The following MYRF variants were observed in gnomAD, a reference collection of about 807,000 sequenced individuals.
MYRF encodes the protein myelin regulatory factor, also known as myelin gene regulatory factor.
In MYRF, 16 loss-of-function variants were observed where a neutral mutation model predicts 126.3. The observed-to-expected ratio is 0.13, with a 90% CI of 0.09 to 0.19. MYRF has a LOEUF of 0.19. Among genes scored for constraint, MYRF ranks in the 10% least tolerant of loss-of-function variants. The pLI is 1.00. For missense variants in MYRF, 1,104 were observed against 1,547.0 expected (o/e 0.71, Z 4.80); for synonymous variants, 608 against 635.3 (o/e 0.96, Z 0.65).
rs2066593382 is a variant in MYRF, at chr11:61,783,007, C to CCCTA, written c.3017-488_3017-485dup. 6.5e-6 allele frequency: 1 copy of CCCTA among 154,670 alleles called. No individual in the cohort carries two copies. The highest frequency in any genetic ancestry group is 2.0e-4 in the South Asian group (1 of 4,998). The allele number at this position is 154,670 out of a possible 1,614,324, so 9.6% of individuals were successfully genotyped here. On this transcript the variant is annotated intron_variant, in intron 22 of 26. Transcript: ENST00000278836. The surrounding 1 kb of genome is among the most constrained non-coding windows in gnomAD (Gnocchi z 4.6). ...CTGACTTGTCACACTTCAGTCCCAC[C>CCCTA]CCTACCCAGCCAGCCAGCCTGCAGT...
chr11:61,775,917 G>T, intron 8 of MYRF, 139 bp from the exon 9 acceptor site: 1 of 736,132 alleles, frequency 1.4e-6, no homozygotes. Context: ...CTGAGCTTGT[G>T]GGAATCGCGG....
At chr11:61,773,732 T>A (rs1047828317) in intron 7 of MYRF, among the ~76,000 whole-genome samples, 2 of 152,044 alleles carry the variant, frequency 1.3e-5, no homozygotes, top group African/African-American at 2.4e-5. Context: ...GGCGGGGCGG[T>A]GGCCTAAGGC....
At position 61,778,712 on chromosome 11, in the gene MYRF, G is replaced by A; in HGVS notation, c.2013+223G>A. The A allele has an allele frequency of 1.5e-6, 1 of 657,524 alleles. No homozygotes were observed. The highest frequency in any genetic ancestry group is 1.8e-5 in the African/African-American group (1 of 56,386). 40.7% of individuals were successfully genotyped at this position (657,524 alleles called of 1,614,324 possible). A position where few individuals can be genotyped will look rare whatever the true frequency, so the allele number is the denominator to read the frequency against. On this transcript the variant is annotated intron_variant, in intron 14 of 26. Coordinates refer to ENST00000278836, the MANE Select transcript of MYRF (RefSeq NM_001127392.3). The surrounding 1 kb of genome is among the most constrained non-coding windows in gnomAD (Gnocchi z 4.6). ...GGCCCCTGGAGCCTGTGTGATCAAG[G>A]GCAAGAGAAACCCTGTGGAGGGCCA... is the stretch of plus-strand genomic sequence containing the variant.
At position 61,778,024 on chromosome 11, in the gene MYRF, C is replaced by T. The variant is rs2066434453; in HGVS notation, c.1903+179C>T. On this transcript the variant is annotated intron_variant, in intron 13 of 26. Coordinates refer to ENST00000278836, the MANE Select transcript of MYRF (RefSeq NM_001127392.3). This position sits in a 1 kb window ranked among gnomAD's most constrained non-coding sequence, Gnocchi z 4.6. ...CTTGGAAAATCGCACCTCTCCAGGTCCCCGGAACCTCGCCCCATTGTCAGT... is the reference window on the plus strand; with the variant it reads ...CTTGGAAAATCGCACCTCTCCAGGTTCCCGGAACCTCGCCCCATTGTCAGT... 6.6e-6 allele frequency among the ~76,000 whole-genome samples: 1 copy of T among 152,192 alleles called. No homozygotes were observed. The highest frequency in any genetic ancestry group is 1.5e-5 in the Non-Finnish European group (1 of 68,020).
chr11:61,773,953 A>G lies in MYRF; in HGVS notation c.1116-14A>G. The G allele has an allele frequency of 6.3e-7, 1 of 1,594,340 alleles. No homozygotes were observed. The highest frequency in any genetic ancestry group is 8.6e-7 in the Non-Finnish European group (1 of 1,169,416). Reference sequence around the variant, plus strand: ...TCTGGGGCCTCAGGGGAGTGCCCTCACCCGCCCCCCCAGGCCCATGCTCAC... The same window carrying G: ...TCTGGGGCCTCAGGGGAGTGCCCTCGCCCGCCCCCCCAGGCCCATGCTCAC... On this transcript the variant is annotated splice_polypyrimidine_tract_variant and intron_variant, in intron 7 of 26. Transcript: ENST00000278836.
intron 5 of MYRF, among the ~76,000 whole-genome samples, chr11:61,770,864 A>G (rs1054505630): frequency 3.9e-5 from 6 of 151,988 alleles, no homozygotes; most frequent in African/African-American, 1.5e-4. Context: ...GACCCCAGTG[A>G]TTTTGCAGCT....
intron 25 of MYRF, 114 bp from the exon 26 acceptor site, chr11:61,785,685 CT>C: frequency 1.2e-6 from 1 of 805,570 alleles, no homozygotes; most frequent in Non-Finnish European, 2.1e-6. Flanking sequence ...AAGTTCTCTG[CT>C]TTTTTCCTTC....
rs1024148749 is a variant in MYRF, at chr11:61,777,559, G to A, written c.1791+95G>A. The A allele has an allele frequency of 1.4e-6, 2 of 1,451,124 alleles. No individual in the cohort carries two copies. The highest frequency in any genetic ancestry group is 2.8e-5 in the African/African-American group (2 of 70,998). The allele number at this position is 1,451,124 out of a possible 1,614,324, so 89.9% of individuals were successfully genotyped here. A position where few individuals can be genotyped will look rare whatever the true frequency, so the allele number is the denominator to read the frequency against. On this transcript the variant is annotated intron_variant, in intron 12 of 26. Coordinates refer to ENST00000278836, the MANE Select transcript of MYRF (RefSeq NM_001127392.3). The surrounding 1 kb of genome is among the most constrained non-coding windows in gnomAD (Gnocchi z 8.8). Reference sequence around the variant, plus strand: ...GGAGGGGGCGTGACTACGCGGAAAGGCGGAGCTGCGGGGGAAGGAAGGGAG... The same window carrying A: ...GGAGGGGGCGTGACTACGCGGAAAGACGGAGCTGCGGGGGAAGGAAGGGAG...
chr11:61,761,622 G>A (rs893674926), intron 1 of MYRF, among the ~76,000 whole-genome samples: 1 of 152,226 alleles, frequency 6.6e-6, no homozygotes, highest in African/African-American at 2.4e-5. Context: ...TGGCCTGGCC[G>A]AGGTCCCTCA....
chr11:61,770,929 G>C (rs174527), intron 5 of MYRF, among the ~76,000 whole-genome samples: 65,989 of 152,000 alleles, frequency 0.43, 15,027 homozygotes, highest in East Asian at 0.71. Flanking sequence ...CCAAGCCCCC[G>C]ACTCTGACTC....
chr11:61,755,574 G>A (rs1011128034), intron 1 of MYRF: 234 of 1,166,170 alleles, frequency 2.0e-4, no homozygotes, highest in Non-Finnish European at 2.3e-4. Flanking sequence ...TGGGGTGACC[G>A]TCTGTGCCTG....
chr11:61,784,182 G>C (rs1027453977), intron 24 of MYRF, 98 bp from the exon 25 acceptor site: 4 of 1,178,028 alleles, frequency 3.4e-6, no homozygotes, highest in Admixed American at 4.2e-5. Context: ...GTTTCAGGCT[G>C]GGTGGAGATT....
In MYRF at chr11:61,777,607, T is replaced by C. The variant is rs2066422304; in HGVS notation, c.1792-127T>C. On this transcript the variant is annotated intron_variant, in intron 12 of 26. Transcript: ENST00000278836. This position sits in a 1 kb window ranked among gnomAD's most constrained non-coding sequence, Gnocchi z 8.8. ...GAGGGAGGCTGGCCTCGAATCCCGA[T>C]CTAACCACTCCAGTGGTGGGGTCTC... 3 of 1,320,770 alleles carry C rather than the reference T, an allele frequency of 2.3e-6. No individual in the cohort carries two copies. The highest frequency in any genetic ancestry group is 4.2e-5 in the Admixed American group (2 of 47,404). 81.8% of individuals were successfully genotyped at this position (1,320,770 alleles called of 1,614,324 possible).
At chr11:61,773,547 C>G (rs2066284026) in intron 7 of MYRF, among the ~76,000 whole-genome samples, 1 of 152,212 alleles carries the variant, frequency 6.6e-6, no homozygotes, top group African/African-American at 2.4e-5. Context: ...GGGCAACTAG[C>G]TGTCAGGCGC....
intron 3 of MYRF, among the ~76,000 whole-genome samples, chr11:61,769,059 C>G (rs1198147760): frequency 1.3e-5 from 2 of 152,194 alleles, no homozygotes; most frequent in African/African-American, 4.8e-5. Context: ...GGGCGGTCCC[C>G]TACCCACAAT....
chr11:61,781,316 C>A lies in MYRF; in HGVS notation c.2751C>A (p.Ser917Arg). Residue 917 changes from serine to arginine, a missense_variant, in exon 21 of 27, where the codon AGC (serine) becomes AGA (arginine). Coordinates refer to ENST00000278836, the MANE Select transcript of MYRF (RefSeq NM_001127392.3). ...GHVLSPSPSP[S>R]TNRSGPSQMA... ...TTCTCAGCCCAAGTCCCAGCCCCAG[C>A]ACCAACCGCTCAGGTAAGGCTTTCT... is the stretch of plus-strand genomic sequence containing the variant. The A allele has an allele frequency of 6.2e-7, 1 of 1,614,028 alleles. No homozygotes were observed. The highest frequency in any genetic ancestry group is 8.5e-7 in the Non-Finnish European group (1 of 1,180,006).
intron 1 of MYRF, among the ~76,000 whole-genome samples, chr11:61,753,501 C>T (rs887108752): frequency 1.3e-5 from 2 of 152,096 alleles, no homozygotes. Context: ...TTGAAGCTGA[C>T]ATCCCTGCCA....
chr11:61,777,851 G>T lies in MYRF; in HGVS notation c.1903+6G>T. The T allele has an allele frequency of 1.3e-6, 2 of 1,550,866 alleles. No individual in the cohort carries two copies. The highest frequency in any genetic ancestry group is 8.7e-7 in the Non-Finnish European group (1 of 1,146,650). On this transcript the variant is annotated splice_donor_region_variant and intron_variant, in intron 13 of 26. Coordinates refer to ENST00000278836, the MANE Select transcript of MYRF (RefSeq NM_001127392.3). The surrounding 1 kb of genome is among the most constrained non-coding windows in gnomAD (Gnocchi z 8.8). ...GGCCACCGCGCCAGAGACAGGTAGG[G>T]ACCGGGCTGGTGCGGACTGGGGTCC...
At position 61,781,314 on chromosome 11, in the gene MYRF, A is replaced by G; in HGVS notation, c.2749A>G (p.Ser917Gly). The G allele has an allele frequency of 6.2e-7, 1 of 1,613,998 alleles. No homozygotes were observed. Among genetic ancestry groups the G allele is most frequent in the Non-Finnish European group, 8.5e-7 (1 of 1,179,986 alleles). Residue 917 changes from serine to glycine, a missense_variant, in exon 21 of 27, where the codon AGC becomes GGC. By Grantham distance (56) the Ser-to-Gly change is moderately conservative. Around this residue, in one of 10 missense-constraint regions of MYRF, gnomAD observed 323 missense variants for 383.1 expected, o/e 0.84. Transcript: ENST00000278836. ...GHVLSPSPSP[S>G]TNRSGPSQMA... ...TGTTCTCAGCCCAAGTCCCAGCCCC[A>G]GCACCAACCGCTCAGGTAAGGCTTT...
Sources: allele counts gnomAD v4.1 joint callset (sites outside exome capture counted in the v4.1 genomes callset), GRCh38; gene constraint gnomAD v4.1.1; regional missense constraint gnomAD v4.1.1; non-coding constraint Gnocchi (gnomAD v3.1); transcripts MANE v1.5; gene names NCBI Gene and HGNC (gene_info 2026-07-23, HGNC 2026-07-21).